ECHDC2: variants seen among roughly 807,000 people sequenced by gnomAD.
ECHDC2 encodes the protein enoyl-CoA hydratase domain-containing protein 2, mitochondrial.
A neutral mutation model predicts 40.6 loss-of-function variants in ECHDC2; 34 were observed. The ratio of observed to expected loss-of-function variants is 0.84; its 90% CI spans 0.64 to 1.11. ECHDC2 has a LOEUF of 1.11. Ranked by LOEUF, ECHDC2 falls within the 50% of genes most tolerant of loss-of-function variation. ECHDC2 has a pLI of 0.00. For missense variants in ECHDC2, 392 were observed against 400.7 expected (o/e 0.98, Z 0.19); for synonymous variants, 162 against 166.6 (o/e 0.97, Z 0.21).
At chr1:52,910,838 G>A (rs1649304425) in intron 3 of ECHDC2, among the ~76,000 whole-genome samples, 2 of 152,242 alleles carry the variant, frequency 1.3e-5, no homozygotes, top group African/African-American at 4.8e-5. Flanking sequence ...GGCGGGAAGA[G>A]TGACCGTGGT....
At chr1:52,912,156 T>A in intron 1 of ECHDC2, 2 of 493,682 alleles carry the variant, frequency 4.1e-6, no homozygotes, top group Non-Finnish European at 5.5e-6. Context: ...ATTTTACAAC[T>A]CCCTCCATAT....
chr1:52,914,814 T>G lies in ECHDC2; in HGVS notation c.122-3024A>C, dbSNP rs1214334828. Among the ~76,000 whole-genome samples, 1 of 152,086 alleles carries G rather than the reference T, an allele frequency of 6.6e-6. No homozygotes were observed. The highest frequency in any genetic ancestry group is 2.4e-5 in the African/African-American group (1 of 41,396). On this transcript the variant is annotated intron_variant, in intron 1 of 9. Transcript: ENST00000371522. The surrounding 1 kb of genome is among the most constrained non-coding windows in gnomAD (Gnocchi z 4.0). ...TCTCAGGCCTCTCAGCTCACACCGC[T>G]TCTCACAGCCATTAATCTGGCATAG...
rs1236094660 is a variant in ECHDC2 at position 52,921,685 on chromosome 1, C to A, written c.-12G>T. 1.3e-6 allele frequency: 2 copies of A among 1,546,200 alleles called. No homozygotes were observed. The highest frequency in any genetic ancestry group is 8.7e-7 in the Non-Finnish European group (1 of 1,149,222). On this transcript the variant is annotated 5_prime_UTR_variant, in exon 1 of 10. Transcript: ENST00000371522. ...AGAACGCGCAGCATCGGGGCGCAGGCTGGGAGTGAAGGTGCTTCTCCGGCC... is the reference window on the plus strand; with the variant it reads ...AGAACGCGCAGCATCGGGGCGCAGGATGGGAGTGAAGGTGCTTCTCCGGCC...
intron 7 of ECHDC2, 69 bp downstream of exon 7, chr1:52,904,577 G>T (rs1647248278): frequency 1.3e-5 from 18 of 1,394,870 alleles, no homozygotes; most frequent in Non-Finnish European, 1.7e-5. Context: ...AGCCCAAGGG[G>T]ACACCCTGCC....
intron 7 of ECHDC2, chr1:52,900,538 CCATTA>C (rs1646923811): frequency 6.6e-6 from 1 of 152,064 alleles, no homozygotes; most frequent in Non-Finnish European, 1.5e-5. Flanking sequence ...GTCCTCTAAG[CCATTA>C]AAAGGAATTT....
intron 6 of ECHDC2, 79 bp from the exon 7 acceptor site, chr1:52,904,912 A>G (rs1244843616): frequency 1.9e-6 from 3 of 1,596,336 alleles, no homozygotes; most frequent in African/African-American, 1.3e-5. Flanking sequence ...GGACTCAGCC[A>G]AGACTTCTCA....
chr1:52,910,171 A>G (rs1211709842), intron 3 of ECHDC2, among the ~76,000 whole-genome samples: 1 of 151,822 alleles, frequency 6.6e-6, no homozygotes, highest in Non-Finnish European at 1.5e-5. Flanking sequence ...CTGGAGGGGA[A>G]GGGGGAATGG....
intron 1 of ECHDC2, among the ~76,000 whole-genome samples, chr1:52,916,770 T>C (rs931928296): frequency 6.6e-6 from 1 of 152,176 alleles, no homozygotes; most frequent in Non-Finnish European, 1.5e-5. Flanking sequence ...GCCCCGATGC[T>C]GGGAACATTG....
intron 1 of ECHDC2, among the ~76,000 whole-genome samples, chr1:52,920,995 C>T (rs1280908146): frequency 6.6e-6 from 1 of 152,242 alleles, no homozygotes; most frequent in Non-Finnish European, 1.5e-5. Context: ...CGAACTTTGC[C>T]CCCCACCCCT....
chr1:52,911,854 G>A, intron 1 of ECHDC2, 64 bp from the exon 2 acceptor site: 6 of 1,589,362 alleles, frequency 3.8e-6, no homozygotes, highest in Non-Finnish European at 5.1e-6. Context: ...GCTGCGGGCT[G>A]GGGACTGGAG....
At chr1:52,917,144 A>C (rs897732) in intron 1 of ECHDC2, among the ~76,000 whole-genome samples, 95,365 of 151,250 alleles carry the variant, frequency 0.63, 30,888 homozygotes, top group African/African-American at 0.74. Flanking sequence ...ATCGCTTGAA[A>C]CCAAGAGGCA....
intron 7 of ECHDC2, among the ~76,000 whole-genome samples, chr1:52,902,737 C>T (rs1647065801): frequency 6.6e-6 from 1 of 151,942 alleles, no homozygotes; most frequent in African/African-American, 2.4e-5. Context: ...ATATTTTGCT[C>T]TCTTAAAATA....
At chr1:52,905,229 A>G (rs1647476290) in intron 5 of ECHDC2, 139 bp from the exon 6 acceptor site, 1 of 871,880 alleles carries the variant, frequency 1.1e-6, no homozygotes, top group Non-Finnish European at 1.8e-6. Context: ...AGGCCTCTCC[A>G]GACTCTGCCT....
At chr1:52,897,782 C>T (rs950262825) in intron 8 of ECHDC2, 4 of 511,214 alleles carry the variant, frequency 7.8e-6, no homozygotes, top group African/African-American at 5.8e-5. Context: ...GGCAATTGCT[C>T]CAGCCTCTAG....
chr1:52,896,628 G>T, intron 9 of ECHDC2, 31 bp from the exon 10 acceptor site: 7 of 1,586,858 alleles, frequency 4.4e-6, no homozygotes, highest in Non-Finnish European at 6.1e-6. Context: ...TTAGTTTTGG[G>T]GGAGCAGGGC....
chr1:52,897,633 G>A (rs1269994716), intron 8 of ECHDC2, 149 bp from the exon 9 acceptor site: 3 of 763,338 alleles, frequency 3.9e-6, no homozygotes, highest in Admixed American at 2.0e-5. Context: ...AACACCATTC[G>A]TAACTATGAC....
At chr1:52,913,884 C>T in intron 1 of ECHDC2, 1 of 1,126,626 alleles carries the variant, frequency 8.9e-7, no homozygotes, top group Non-Finnish European at 1.1e-6. Context: ...CCCCATTCTC[C>T]TTCCTCCTAC....
intron 8 of ECHDC2, 21 bp downstream of exon 8, chr1:52,899,131 ACCAACTTTAGTGGACCCAAGTC>A (rs1409160598): frequency 6.2e-7 from 1 of 1,610,082 alleles, no homozygotes; most frequent in Admixed American, 1.7e-5. Flanking sequence ...CCCAGCCGCG[ACCAACTTTAGTGGACCCAAGTC>A]CCAACCCAAA....
At position 52,917,394 on chromosome 1, in the gene ECHDC2, G is replaced by C. The variant is rs1359935338; in HGVS notation, c.121+4159C>G. ...CTTAAAGAGCTAACAGCCTAGAAGA[G>C]AGACAAGTTCAGACACACGAAACAT... On this transcript the variant is annotated intron_variant, in intron 1 of 9. Coordinates refer to ENST00000371522, the MANE Select transcript of ECHDC2 (RefSeq NM_001198961.2). The C allele has an allele frequency of 8.5e-6, 3 of 351,756 alleles. No individual in the cohort carries two copies. In the Admixed American group the frequency reaches 1.1e-4, roughly 13 times the overall value. The allele number at this position is 351,756 out of a possible 1,614,324, so 21.8% of individuals were successfully genotyped here.
Sources: allele counts gnomAD v4.1 joint callset (sites outside exome capture counted in the v4.1 genomes callset), GRCh38; gene constraint gnomAD v4.1.1; non-coding constraint Gnocchi (gnomAD v3.1); transcripts MANE v1.5; gene names NCBI Gene and HGNC (gene_info 2026-07-23, HGNC 2026-07-21).